AKR1C8: variants seen among roughly 807,000 people sequenced by gnomAD.
AKR1C8 encodes aldo-keto reductase family 1 member C-like protein 1.
At chr10:5,128,780 G>A in the AKR1C8 span, among the ~76,000 whole-genome samples, 97 of 152,114 alleles carry the variant, frequency 6.4e-4, no homozygotes, top group Middle Eastern at 3.4e-3. Flanking sequence ...GGAGCTCCCA[G>A]ATTTATAAAA....
chr10:5,121,794 A>G, the AKR1C8 span, among the ~76,000 whole-genome samples: 22 of 152,272 alleles, frequency 1.4e-4, no homozygotes, highest in Non-Finnish European at 2.9e-4. Context: ...TGTGCCTTCT[A>G]GTCTAATGGG....
chr10:5,119,144 T>C, the AKR1C8 span, among the ~76,000 whole-genome samples: 2 of 152,250 alleles, frequency 1.3e-5, no homozygotes, highest in African/African-American at 4.8e-5. Context: ...TATTTCATTT[T>C]TGCCTATTTA....
chr10:5,144,323 C>G, the AKR1C8 span, among the ~76,000 whole-genome samples: 2 of 151,994 alleles, frequency 1.3e-5, no homozygotes, highest in African/African-American at 2.4e-5. Context: ...CTCCAGCTTT[C>G]TTCTTTTGGC....
chr10:5,171,282 G>A, the AKR1C8 span, among the ~76,000 whole-genome samples: 1 of 151,958 alleles, frequency 6.6e-6, no homozygotes, highest in African/African-American at 2.4e-5. Flanking sequence ...ATAACAAAAA[G>A]TTTTAAGGTA....
the AKR1C8 span, among the ~76,000 whole-genome samples, chr10:5,157,428 G>T: frequency 6.6e-6 from 1 of 152,216 alleles, no homozygotes; most frequent in Non-Finnish European, 1.5e-5. Context: ...CAACCAACTA[G>T]TAAGTGGCAA....
the AKR1C8 span, among the ~76,000 whole-genome samples, chr10:5,138,089 T>C: frequency 6.6e-6 from 1 of 151,496 alleles, no homozygotes; most frequent in South Asian, 2.1e-4. Context: ...GCACGTACTG[T>C]CTTGATAAAC....
the AKR1C8 span, among the ~76,000 whole-genome samples, chr10:5,173,408 G>A: frequency 6.6e-6 from 1 of 152,086 alleles, no homozygotes; most frequent in African/African-American, 2.4e-5. Flanking sequence ...TGCAGAATGA[G>A]GAGGAGTGGG....
At chr10:5,117,357 G>A in the AKR1C8 span, among the ~76,000 whole-genome samples, 2 of 152,056 alleles carry the variant, frequency 1.3e-5, no homozygotes, top group Non-Finnish European at 2.9e-5. Flanking sequence ...AGGAGATACT[G>A]GTTCATGGAG....
the AKR1C8 span, among the ~76,000 whole-genome samples, chr10:5,150,616 G>A: frequency 1.3e-5 from 2 of 152,018 alleles, no homozygotes; most frequent in South Asian, 4.1e-4. Context: ...AAGACTAAAT[G>A]TGTAACTTGA....
At chr10:5,125,718 G>T in the AKR1C8 span, among the ~76,000 whole-genome samples, 326 of 152,258 alleles carry the variant, frequency 2.1e-3, 2 homozygotes, top group African/African-American at 7.5e-3. Context: ...ACACAAAATG[G>T]CTATCTGTAA....
At chr10:5,134,244 C>A in the AKR1C8 span, among the ~76,000 whole-genome samples, 1 of 152,112 alleles carries the variant, frequency 6.6e-6, no homozygotes, top group Middle Eastern at 3.2e-3. Flanking sequence ...TGTGCTTTTC[C>A]TTACTTCCCC....
At chr10:5,154,461 C>CA in the AKR1C8 span, 1 of 274,188 alleles carries the variant, frequency 3.6e-6, no homozygotes, top group Non-Finnish European at 7.3e-6. Flanking sequence ...TTCTTTTTTA[C>CA]AATTTGTTCT....
the AKR1C8 span, among the ~76,000 whole-genome samples, chr10:5,161,067 G>T: frequency 3.2e-4 from 49 of 152,276 alleles, no homozygotes; most frequent in Middle Eastern, 3.4e-3. Flanking sequence ...ATATATGTGT[G>T]TGGGTATGTG....
At chr10:5,123,729 G>A in the AKR1C8 span, 1 of 1,612,474 alleles carries the variant, frequency 6.2e-7, no homozygotes, top group Non-Finnish European at 8.5e-7. Context: ...ATGTCGTTGG[G>A]TTCCCAGAGC....
chr10:5,177,114 T>C, the AKR1C8 span, among the ~76,000 whole-genome samples: 1,281 of 152,288 alleles, frequency 8.4e-3, 16 homozygotes, highest in African/African-American at 0.029. Context: ...AGCTGTGGGT[T>C]TGTCATAGAT....
the AKR1C8 span, among the ~76,000 whole-genome samples, chr10:5,139,514 G>C: frequency 6.6e-6 from 1 of 152,136 alleles, no homozygotes; most frequent in Non-Finnish European, 1.5e-5. Context: ...ACAACCATCT[G>C]ATCTTTGATA....
the AKR1C8 span, among the ~76,000 whole-genome samples, chr10:5,169,287 C>G: frequency 1.3e-5 from 2 of 152,134 alleles, no homozygotes; most frequent in Non-Finnish European, 2.9e-5. Context: ...ATTCCAGACC[C>G]TATAGTTATG....
At chr10:5,120,334 T>A in the AKR1C8 span, among the ~76,000 whole-genome samples, 2 of 151,360 alleles carry the variant, frequency 1.3e-5, no homozygotes, top group African/African-American at 4.9e-5. Context: ...CACTCCACAC[T>A]CTATATTTCT....
At chr10:5,160,697 G>C in the AKR1C8 span, 1 of 397,694 alleles carries the variant, frequency 2.5e-6, no homozygotes, top group East Asian at 7.2e-5. Context: ...GCACAGAGAA[G>C]CTCCACATCT....
Sources: gnomAD v4.1 joint callset for allele counts (sites outside exome capture counted in the v4.1 genomes callset) on GRCh38, gnomAD v4.1.1 for gene constraint, MANE v1.5 for transcripts, NCBI Gene and HGNC (gene_info 2026-07-23, HGNC 2026-07-21) for gene names.